The following CADM2 variants were observed in gnomAD, a reference collection of about 807,000 sequenced individuals.
The protein encoded by CADM2 is cell adhesion molecule 2.
Under a neutral mutation model 49.8 loss-of-function variants are expected in CADM2, and 12 were observed. That is an observed-to-expected ratio of 0.24 (90% CI 0.15 to 0.39). The LOEUF (loss-of-function observed/expected upper bound fraction) is 0.39, where lower values mean the gene tolerates loss of function less well. CADM2 is among the 10% of genes least tolerant of loss of function. The pLI, the probability that CADM2 is intolerant of heterozygous loss-of-function variation, is 1.00. For missense variants in CADM2, 378 were observed against 492.3 expected (o/e 0.77, Z 2.20); for synonymous variants, 214 against 175.4 (o/e 1.22, Z -1.74).
chr3:85,089,351 T>G (rs1030854099), intron 1 of CADM2, among the ~76,000 whole-genome samples: 1 of 152,108 alleles, frequency 6.6e-6, no homozygotes, highest in African/African-American at 2.4e-5. Flanking sequence ...TTTTCTCTCT[T>G]GAATATTTTG....
At chr3:86,020,831 C>T (rs1428481256) in intron 8 of CADM2, among the ~76,000 whole-genome samples, 4 of 152,048 alleles carry the variant, frequency 2.6e-5, no homozygotes, top group Admixed American at 1.3e-4. Context: ...ATTGATGGGA[C>T]GTATTTCAAA....
At chr3:85,530,900 AC>A (rs1220001551) in intron 1 of CADM2, among the ~76,000 whole-genome samples, 1 of 150,210 alleles carries the variant, frequency 6.7e-6, no homozygotes, top group African/African-American at 2.5e-5. Context: ...ACACACACAC[AC>A]ACACACACAC....
chr3:85,630,687 A>C (rs191358379), intron 1 of CADM2, among the ~76,000 whole-genome samples: 1 of 152,112 alleles, frequency 6.6e-6, no homozygotes, highest in African/African-American at 2.4e-5. Context: ...ATTTGTATCA[A>C]GAATTACTTT....
chr3:84,959,480 A>C lies in CADM2; in HGVS notation c.-128A>C, dbSNP rs556184093. On this transcript the variant is annotated 5_prime_UTR_variant, in exon 1 of 10. Transcript: ENST00000383699. The stretch of plus-strand genomic sequence containing the variant: ...CCGAGTCCGCGGGTTCGAACACCGC[A>C]GCGGTGGGGACGGTGGGTCCGGCGG... 3,016 of 877,672 alleles carry C rather than the reference A, an allele frequency of 3.4e-3. 15 individuals carry two copies. The highest frequency in any genetic ancestry group is 9.8e-3 in the Middle Eastern group (44 of 4,476). 54.4% of individuals were successfully genotyped at this position (877,672 alleles called of 1,614,324 possible).
chr3:85,830,624 T>A (rs1429301129), intron 3 of CADM2, among the ~76,000 whole-genome samples: 1 of 151,802 alleles, frequency 6.6e-6, no homozygotes, highest in African/African-American at 2.4e-5. Context: ...TCCCCTAGAT[T>A]TTCTTCTAGG....
In CADM2 at chr3:85,011,738, T is replaced by C. The variant is rs534062669; in HGVS notation, c.61+52070T>C. On this transcript the variant is annotated intron_variant, in intron 1 of 9. Coordinates refer to ENST00000383699, the MANE Select transcript of CADM2 (RefSeq NM_001167675.2). ...CCTCTACAATTTTTTTTTTTTAAGT[T>C]AGCCAGGCAGATATAGTGGAACATA... 3.3e-5 allele frequency among the ~76,000 whole-genome samples: 5 copies of C among 152,002 alleles called. No individual in the cohort carries two copies. In the South Asian group the frequency reaches 1.0e-3, roughly 32 times the overall value.
At chr3:85,225,929 C>T (rs532571801) in intron 1 of CADM2, among the ~76,000 whole-genome samples, 2 of 152,158 alleles carry the variant, frequency 1.3e-5, no homozygotes, top group African/African-American at 2.4e-5. Context: ...GTTGAACCAG[C>T]CTTGCATCCC....
At chr3:85,371,469 GTTACACCA>G (rs138048182) in intron 1 of CADM2, among the ~76,000 whole-genome samples, 107 of 151,824 alleles carry the variant, frequency 7.0e-4, no homozygotes, top group African/African-American at 2.4e-3. Context: ...AAAGTAATAG[GTTACACCA>G]TACAGCCTAG....
chr3:85,185,232 T>C (rs1046310780), intron 1 of CADM2, among the ~76,000 whole-genome samples: 5 of 152,020 alleles, frequency 3.3e-5, no homozygotes, highest in African/African-American at 1.2e-4. Context: ...ATGACTAATG[T>C]TCTTGGAAGG....
At chr3:85,479,416 T>C (rs1032917337) in intron 1 of CADM2, among the ~76,000 whole-genome samples, 8 of 142,122 alleles carry the variant, frequency 5.6e-5, no homozygotes, top group Non-Finnish European at 6.2e-5. Context: ...TTGTATTACA[T>C]AAAATCCTTA....
chr3:86,051,793 A>AACTC (rs1009809806), intron 8 of CADM2, among the ~76,000 whole-genome samples: 2 of 152,094 alleles, frequency 1.3e-5, no homozygotes, highest in Non-Finnish European at 2.9e-5. Context: ...ATCTCAGGAG[A>AACTC]ACTCACTCAC....
At chr3:86,046,345 C>T (rs1736687849) in intron 8 of CADM2, among the ~76,000 whole-genome samples, 1 of 152,080 alleles carries the variant, frequency 6.6e-6, no homozygotes, top group Non-Finnish European at 1.5e-5. Context: ...CCATTTTACA[C>T]ACATTAAGTG....
At chr3:85,311,447 C>T (rs1276965494) in intron 1 of CADM2, among the ~76,000 whole-genome samples, 3 of 151,622 alleles carry the variant, frequency 2.0e-5, no homozygotes, top group Non-Finnish European at 4.4e-5. Context: ...GCGATCTCGG[C>T]TCACTGCAAG....
At chr3:85,454,633 ACAGT>A (rs564716865) in intron 1 of CADM2, among the ~76,000 whole-genome samples, 267 of 152,312 alleles carry the variant, frequency 1.8e-3, no homozygotes, top group African/African-American at 6.1e-3. Flanking sequence ...TCAAAATGAC[ACAGT>A]CAATTTTTTT....
chr3:85,533,417 G>T (rs761986657), intron 1 of CADM2, among the ~76,000 whole-genome samples: 6 of 152,062 alleles, frequency 3.9e-5, no homozygotes, highest in Non-Finnish European at 8.8e-5. Flanking sequence ...ATACCTAACT[G>T]AAAACCAATT....
intron 1 of CADM2, among the ~76,000 whole-genome samples, chr3:85,370,859 A>C (rs2033176078): frequency 6.6e-6 from 1 of 152,164 alleles, no homozygotes; most frequent in Admixed American, 6.5e-5. Context: ...GAAAGAAGTG[A>C]TGCTGATGAT....
At chr3:85,649,984 T>G (rs960770425) in intron 1 of CADM2, among the ~76,000 whole-genome samples, 11 of 152,200 alleles carry the variant, frequency 7.2e-5, no homozygotes, top group African/African-American at 2.7e-4. Context: ...ACTCTAGACC[T>G]CTGTGAAACC....
At chr3:85,088,219 C>T (rs757491839) in intron 1 of CADM2, among the ~76,000 whole-genome samples, 9 of 152,030 alleles carry the variant, frequency 5.9e-5, no homozygotes, top group African/African-American at 1.7e-4. Flanking sequence ...TGGTTCTTGC[C>T]GCTTTCCTTA....
At chr3:84,960,937 G>A (rs894664569) in intron 1 of CADM2, among the ~76,000 whole-genome samples, 36 of 152,148 alleles carry the variant, frequency 2.4e-4, no homozygotes, top group African/African-American at 8.0e-4. Context: ...GTATAGGGAT[G>A]TGGCTTGAGT....
Sources: allele counts gnomAD v4.1 joint callset (sites outside exome capture counted in the v4.1 genomes callset), GRCh38; gene constraint gnomAD v4.1.1; transcripts MANE v1.5; gene names NCBI Gene and HGNC (gene_info 2026-07-23, HGNC 2026-07-21).